NOLC1: variants seen among roughly 807,000 people sequenced by gnomAD.
The protein encoded by NOLC1 is nucleolar and coiled-body phosphoprotein 1, also known as 140 kDa nucleolar phosphoprotein.
NOLC1 carries 37 observed loss-of-function variants against 73.4 expected under a neutral mutation model. The ratio of observed to expected loss-of-function variants is 0.50; its 90% CI spans 0.39 to 0.66. The LOEUF (loss-of-function observed/expected upper bound fraction) is 0.66, where lower values mean the gene tolerates loss of function less well. Ranked by LOEUF, NOLC1 falls within the 30% of genes least tolerant of loss-of-function variation. The pLI, the probability that NOLC1 is intolerant of heterozygous loss-of-function variation, is 0.00. For synonymous variants in NOLC1, 327 were observed against 302.6 expected (o/e 1.08, Z -0.84); for missense variants, 921 against 838.9 (o/e 1.10, Z -1.21).
intron 7 of NOLC1, 152 bp downstream of exon 7, chr10:102,159,720 C>T: frequency 2.7e-6 from 3 of 1,099,858 alleles, no homozygotes; most frequent in Admixed American, 2.8e-5. Context: ...AAGGAGAAAT[C>T]TCCAGTGCCT....
chr10:102,159,338 G>A (rs1453204769), intron 6 of NOLC1, 30 bp downstream of exon 6: 2 of 1,614,068 alleles, frequency 1.2e-6, no homozygotes, highest in South Asian at 1.1e-5. Flanking sequence ...TCAGGGCAGA[G>A]GTGACCAGGG....
rs756103477 is a variant in NOLC1 at position 102,159,942 on chromosome 10, G to A, written c.906G>A (p.Lys302=). Residue 302 remains lysine, a synonymous_variant, in exon 8 of 13, where the codon AAG becomes AAA. Transcript: ENST00000605788. ...CGCCTTCTGCTCCCCCACCAAAGAA[G>A]TCTCTGGGAACCCAGCCTCCCAAGA... is the stretch of plus-strand genomic sequence containing the variant. ...VPPPSAPPPK[K]SLGTQPPKKA... 2.5e-6 allele frequency: 4 copies of A among 1,609,882 alleles called. No homozygotes were observed. The South Asian group carries it at 4.4e-5, about 18-fold the overall frequency.
intron 1 of NOLC1, among the ~76,000 whole-genome samples, chr10:102,154,128 G>T (rs911532785): frequency 4.0e-4 from 59 of 146,794 alleles, no homozygotes; most frequent in African/African-American, 1.5e-3. Context: ...CTGGAGTGCA[G>T]TGGCACGATC....
At position 102,160,717 on chromosome 10, in the gene NOLC1, A is replaced by C. The variant is rs1403324478; in HGVS notation, c.1365A>C (p.Leu455=). The C allele has an allele frequency of 3.7e-6, 6 of 1,614,114 alleles. No individual in the cohort carries two copies. The highest frequency in any genetic ancestry group is 5.1e-6 in the Non-Finnish European group (6 of 1,179,964). Residue 455 remains leucine (L), a synonymous_variant, in exon 10 of 13, where the codon CTA becomes CTC. Coordinates refer to ENST00000605788, the MANE Select transcript of NOLC1 (RefSeq NM_004741.5). ...CCAAGGCGACTGCCAAAGCAGCTCT[A>C]TCTCTGCCTGCCAAGCAGGCTCCTC... ...TKPKATAKAA[L]SLPAKQAPQG... is the part of the protein sequence containing the mutation.
At chr10:102,155,042 GT>G in intron 1 of NOLC1, among the ~76,000 whole-genome samples, 1 of 63,054 alleles carries the variant, frequency 1.6e-5, no homozygotes, top group Non-Finnish European at 3.6e-5. Flanking sequence ...TTTTTTTTTT[GT>G]GACAGTTTCG....
Position 102,161,537 on chromosome 10 carries a change from C to T in NOLC1, c.1742-19C>T, listed in dbSNP as rs773097091. The T allele has an allele frequency of 1.2e-5, 20 of 1,601,190 alleles. No homozygotes were observed. Among genetic ancestry groups the T allele is most frequent in the Admixed American group, 1.7e-5 (1 of 59,804 alleles). ...GTGAGCCACTGTACTCGGCCTGAGT[C>T]TGGCTTTTTGTTTTGTAGGTTCATT... On this transcript the variant is annotated intron_variant, in intron 10 of 12. Transcript: ENST00000605788.
chr10:102,160,785 G>A lies in NOLC1; in HGVS notation c.1433G>A (p.Ser478Asn), dbSNP rs1486128745. Residue 478 changes from serine (S) to asparagine (N), a missense_variant, in exon 10 of 13, where the codon AGT becomes AAT. Physicochemically the swap from Ser to Asn is conservative, Grantham distance 46 (BLOSUM62 1). Transcript: ENST00000605788. The stretch of plus-strand genomic sequence containing the variant: ...AGCTCTGATTCAGACAGCTCCAGCA[G>A]TGAGGAGGAGGAAGAGAAGACATCT... The part of the protein sequence containing the change: ...DSSSDSDSSS[S>N]EEEEEKTSKS... 6.2e-7 allele frequency: 1 copy of A among 1,614,134 alleles called. No homozygotes were observed. The highest frequency in any genetic ancestry group is 2.2e-5 in the East Asian group (1 of 44,900).
intron 6 of NOLC1, 53 bp downstream of exon 6, chr10:102,159,361 G>A: frequency 1.9e-6 from 3 of 1,613,684 alleles, no homozygotes; most frequent in South Asian, 2.2e-5. Context: ...TGATGTGTGT[G>A]TGTCTTCCTT....
rs1490701663 is a variant in NOLC1 at position 102,160,479 on chromosome 10, C to G, written c.1127C>G (p.Ala376Gly). 6.8e-6 allele frequency: 11 copies of G among 1,613,768 alleles called. No homozygotes were observed. Among genetic ancestry groups the G allele is most frequent in the Non-Finnish European group, 8.5e-6 (10 of 1,179,908 alleles). Residue 376 changes from alanine to glycine, a missense_variant, in exon 10 of 13, where the codon GCT (alanine) becomes GGT (glycine). Ala to Gly is a moderately conservative substitution (Grantham distance 60). Transcript: ENST00000605788. Reference protein sequence around the residue: ...SDSDSSEDDEAPSKPAGTTKN... With the variant: ...SDSDSSEDDEGPSKPAGTTKN... The stretch of plus-strand genomic sequence containing the variant: ...TCTGACAGCTCTGAGGATGATGAAG[C>G]TCCTTCTAAGCCAGCTGGTACCACC...
intron 1 of NOLC1, among the ~76,000 whole-genome samples, chr10:102,153,269 C>G (rs186541456): frequency 6.6e-6 from 1 of 152,198 alleles, no homozygotes; most frequent in Non-Finnish European, 1.5e-5. Flanking sequence ...GTAGCAATCT[C>G]AGTGCTGGTA....
rs771411441 is a variant in NOLC1 at position 102,160,687 on chromosome 10, T to A, written c.1335T>A (p.Thr445=). The A allele has an allele frequency of 2.5e-6, 4 of 1,613,880 alleles. No individual in the cohort carries two copies. Among genetic ancestry groups the A allele is most frequent in the Non-Finnish European group, 3.4e-6 (4 of 1,179,936 alleles). ...AGACAAAGAAGATGGTGGCCACCAC[T>A]AAGCCCAAGGCGACTGCCAAAGCAG... The part of the protein sequence containing the change: ...EEKTKKMVAT[T]KPKATAKAAL... Residue 445 remains threonine, a synonymous_variant, in exon 10 of 13, where the codon ACT becomes ACA. Transcript: ENST00000605788.
In NOLC1 at chr10:102,162,679, G is replaced by A. The variant is rs1267233329; in HGVS notation, c.*410G>A. On this transcript the variant is annotated 3_prime_UTR_variant, in exon 13 of 13. Transcript: ENST00000605788. Reference sequence around the variant, plus strand: ...CCCAAAACATAGTAAAGGGTCACGTGTGACTTTTTATAATAGGAAGAAAAT... The same window carrying A: ...CCCAAAACATAGTAAAGGGTCACGTATGACTTTTTATAATAGGAAGAAAAT... The A allele has an allele frequency of 6.5e-6, 1 of 154,716 alleles. No homozygotes were observed. Among genetic ancestry groups the A allele is most frequent in the African/African-American group, 2.4e-5 (1 of 41,488 alleles). 9.6% of individuals were successfully genotyped at this position (154,716 alleles called of 1,614,324 possible).
chr10:102,152,393 A>G lies in NOLC1; in HGVS notation c.-18A>G, dbSNP rs934735980. The G allele has an allele frequency of 1.2e-6, 2 of 1,606,986 alleles. No homozygotes were observed. The highest frequency in any genetic ancestry group is 1.7e-6 in the Non-Finnish European group (2 of 1,179,938). ...TCGTGCTGCGTCGACAACGGTAGTGACGCGTATTGCCTGGAGGATGGCGGA... is the reference window on the plus strand; with the variant it reads ...TCGTGCTGCGTCGACAACGGTAGTGGCGCGTATTGCCTGGAGGATGGCGGA... On this transcript the variant is annotated 5_prime_UTR_variant, in exon 1 of 13. Coordinates refer to ENST00000605788, the MANE Select transcript of NOLC1 (RefSeq NM_004741.5).
chr10:102,160,036 G>T lies in NOLC1; in HGVS notation c.988+12G>T. ...CAGTGATGAGTCTGGTGAGTCAGAG[G>T]GATGCAGCCTCCCCTCAGCGTGGGT... is the stretch of plus-strand genomic sequence containing the variant. On this transcript the variant is annotated intron_variant, in intron 8 of 12. Coordinates refer to ENST00000605788, the MANE Select transcript of NOLC1 (RefSeq NM_004741.5). 2 of 1,610,982 alleles carry T rather than the reference G, an allele frequency of 1.2e-6. No homozygotes were observed. Among genetic ancestry groups the T allele is most frequent in the Non-Finnish European group, 1.7e-6 (2 of 1,178,458 alleles).
At chr10:102,161,965 G>T (rs2069717667) in intron 12 of NOLC1, 40 bp downstream of exon 12, 4 of 1,605,288 alleles carry the variant, frequency 2.5e-6, no homozygotes, top group Non-Finnish European at 2.6e-6. Flanking sequence ...AGGGAGGATG[G>T]GTAGTGTCAG....
intron 1 of NOLC1, 84 bp downstream of exon 1, chr10:102,152,614 A>G (rs2069524860): frequency 1.9e-6 from 3 of 1,578,152 alleles, no homozygotes; most frequent in South Asian, 2.3e-5. Context: ...CCAGGTGGGG[A>G]AGTCTGGGGG....
intron 7 of NOLC1, 53 bp from the exon 8 acceptor site, chr10:102,159,843 C>G: frequency 3.5e-6 from 5 of 1,449,178 alleles, no homozygotes; most frequent in Non-Finnish European, 4.6e-6. Context: ...AAAGTAGTAT[C>G]AAAAAAAGTT....
intron 6 of NOLC1, 24 bp from the exon 7 acceptor site, chr10:102,159,409 T>G (rs1451689826): frequency 4.3e-6 from 7 of 1,613,848 alleles, no homozygotes; most frequent in Non-Finnish European, 5.9e-6. Context: ...TTTCCTGTGG[T>G]AATCAATTTT....
chr10:102,162,380 T>C lies in NOLC1; in HGVS notation c.*111T>C. 1 of 1,156,558 alleles carries C rather than the reference T, an allele frequency of 8.6e-7. No homozygotes were observed. Among genetic ancestry groups the C allele is most frequent in the East Asian group, 2.3e-5 (1 of 42,568 alleles). 71.6% of individuals were successfully genotyped at this position (1,156,558 alleles called of 1,614,324 possible). A position where few individuals can be genotyped will look rare whatever the true frequency, so the allele number is the denominator to read the frequency against. On this transcript the variant is annotated 3_prime_UTR_variant, in exon 13 of 13. Coordinates refer to ENST00000605788, the MANE Select transcript of NOLC1 (RefSeq NM_004741.5). ...GTGAGGGTCTTGATGAGGACAGAAG[T>C]TTAGAGTAGGTCCTAAGACTTTACA...
Sources: gnomAD v4.1 joint callset for allele counts (sites outside exome capture counted in the v4.1 genomes callset) on GRCh38, gnomAD v4.1.1 for gene constraint, MANE v1.5 for transcripts, NCBI Gene and HGNC (gene_info 2026-07-23, HGNC 2026-07-21) for gene names.